The following ANKRD6 variants were observed in gnomAD, a reference collection of about 807,000 sequenced individuals.
ANKRD6 encodes ankyrin repeat domain-containing protein 6.
Under a neutral mutation model 82.3 loss-of-function variants are expected in ANKRD6, and 56 were observed. That is an observed-to-expected ratio of 0.68 (90% confidence interval 0.55 to 0.85). The LOEUF is 0.85. Among genes scored for constraint, ANKRD6 ranks in the 40% least tolerant of loss-of-function variants. ANKRD6 has a pLI of 0.00. For missense variants in ANKRD6, 852 were observed against 907.6 expected (o/e 0.94, Z 0.79); for synonymous variants, 347 against 352.1 (o/e 0.99, Z 0.16).
chr6:89,625,675 G>GA (rs1332524673), intron 13 of ANKRD6, among the ~76,000 whole-genome samples: 2 of 151,124 alleles, frequency 1.3e-5, no homozygotes, highest in African/African-American at 4.9e-5. Flanking sequence ...TCACACCTGA[G>GA]AAAACGTTAT....
At chr6:89,562,338 C>T (rs1011753388) in intron 1 of ANKRD6, 2 of 152,250 alleles carry the variant, frequency 1.3e-5, no homozygotes, top group Non-Finnish European at 2.9e-5. Context: ...AACTCTCTGC[C>T]GAGGAGGGTG....
intron 1 of ANKRD6, among the ~76,000 whole-genome samples, chr6:89,447,401 C>T (rs2127949220): frequency 6.6e-6 from 1 of 152,286 alleles, no homozygotes; most frequent in Middle Eastern, 3.4e-3. Flanking sequence ...AGGCCTAACC[C>T]AGAACAAGGC....
At chr6:89,566,543 C>T (rs973632013) in intron 1 of ANKRD6, among the ~76,000 whole-genome samples, 3 of 152,300 alleles carry the variant, frequency 2.0e-5, no homozygotes, top group East Asian at 1.9e-4. Context: ...ACCAGGCCTC[C>T]GCTCCCTGGG....
At chr6:89,466,768 G>A (rs1224384103) in intron 1 of ANKRD6, among the ~76,000 whole-genome samples, 2 of 152,030 alleles carry the variant, frequency 1.3e-5, no homozygotes, top group Non-Finnish European at 2.9e-5. Flanking sequence ...GTGCTGTCGT[G>A]TGATCATGAC....
intron 4 of ANKRD6, 33 bp from the exon 5 acceptor site, chr6:89,605,974 A>T (rs930155562): frequency 1.3e-5 from 20 of 1,486,040 alleles, no homozygotes; most frequent in Non-Finnish European, 6.4e-6. Flanking sequence ...GGTCTTGGGT[A>T]ATGTGCCTTT....
At chr6:89,629,000 T>C (rs1017849694) in intron 14 of ANKRD6, 112 bp from the exon 15 acceptor site, 1 of 1,239,166 alleles carries the variant, frequency 8.1e-7, no homozygotes, top group African/African-American at 1.5e-5. Flanking sequence ...GATGGTATCC[T>C]CAACTGTTAT....
At chr6:89,581,961 A>G (rs188214089) in intron 2 of ANKRD6, among the ~76,000 whole-genome samples, 1 of 152,188 alleles carries the variant, frequency 6.6e-6, no homozygotes, top group South Asian at 2.1e-4. Context: ...AAGTCAAACA[A>G]AATCTGCTTG....
intron 1 of ANKRD6, among the ~76,000 whole-genome samples, chr6:89,453,697 G>A (rs1049983469): frequency 1.3e-5 from 2 of 151,456 alleles, no homozygotes; most frequent in Non-Finnish European, 2.9e-5. Flanking sequence ...CTCCTGCCTC[G>A]GCCTGCCGAG....
chr6:89,487,611 G>A (rs200590437), intron 1 of ANKRD6, among the ~76,000 whole-genome samples: 9 of 152,046 alleles, frequency 5.9e-5, no homozygotes, highest in Non-Finnish European at 8.8e-5. Context: ...ATTGTTCTGG[G>A]GCAAGCATTA....
intron 1 of ANKRD6, among the ~76,000 whole-genome samples, chr6:89,544,583 A>G (rs540542187): frequency 1.3e-5 from 2 of 151,944 alleles, no homozygotes; most frequent in African/African-American, 2.4e-5. Flanking sequence ...GCGTAGTGGC[A>G]GGCGCCTGTA....
intron 5 of ANKRD6, among the ~76,000 whole-genome samples, chr6:89,610,499 G>A (rs2128212048): frequency 6.6e-6 from 1 of 152,102 alleles, no homozygotes; most frequent in African/African-American, 2.4e-5. Flanking sequence ...CCAAACCTAT[G>A]GTTTTTAATT....
chr6:89,485,286 CTA>C (rs1230500825), intron 1 of ANKRD6, among the ~76,000 whole-genome samples: 20 of 152,200 alleles, frequency 1.3e-4, no homozygotes, highest in Non-Finnish European at 2.5e-4. Context: ...GCATTGAACG[CTA>C]TGTTTTCTGG....
chr6:89,510,318 T>G (rs1418830155), intron 1 of ANKRD6, among the ~76,000 whole-genome samples: 4 of 152,222 alleles, frequency 2.6e-5, no homozygotes, highest in Non-Finnish European at 5.9e-5. Flanking sequence ...TAATCTCTGA[T>G]GTGCCTAACG....
At chr6:89,619,324 G>A (rs559930083) in intron 9 of ANKRD6, among the ~76,000 whole-genome samples, 5 of 152,080 alleles carry the variant, frequency 3.3e-5, no homozygotes, top group African/African-American at 4.8e-5. Context: ...CTGTATAAAC[G>A]TCAGAACCCA....
chr6:89,524,444 C>T (rs1189715362), intron 1 of ANKRD6, among the ~76,000 whole-genome samples: 1 of 152,132 alleles, frequency 6.6e-6, no homozygotes, highest in Non-Finnish European at 1.5e-5. Context: ...TCTCCTACAC[C>T]ATCCAGACTG....
At chr6:89,567,228 G>A in intron 2 of ANKRD6, 132 bp downstream of exon 2, 5 of 1,267,470 alleles carry the variant, frequency 3.9e-6, no homozygotes, top group Non-Finnish European at 5.3e-6. Flanking sequence ...GGAGGTTTGG[G>A]GAGAAGGAGG....
intron 1 of ANKRD6, among the ~76,000 whole-genome samples, chr6:89,503,521 C>T (rs988432547): frequency 4.6e-5 from 7 of 151,942 alleles, no homozygotes; most frequent in East Asian, 1.9e-4. Context: ...TGTGTGTAGA[C>T]GTGGGCAAGT....
rs566736832 is a variant in ANKRD6, at chr6:89,529,317, G to A, written c.-143-37517G>A. Among the ~76,000 whole-genome samples the A allele has an allele frequency of 6.6e-5, 10 of 152,312 alleles. No homozygotes were observed. In the East Asian group the frequency reaches 1.7e-3, roughly 26 times the overall value. On this transcript the variant is annotated intron_variant, in intron 1 of 15. Coordinates refer to ENST00000339746, the MANE Select transcript of ANKRD6 (RefSeq NM_001242809.2). ...TGCTTCACCTCACACTTTTAGTTAT[G>A]AAAGATGATTCCTTTCCTTAAACCT... is the stretch of plus-strand genomic sequence containing the variant.
At chr6:89,452,823 A>G (rs1434024530) in intron 1 of ANKRD6, among the ~76,000 whole-genome samples, 2 of 152,144 alleles carry the variant, frequency 1.3e-5, no homozygotes, top group Non-Finnish European at 2.9e-5. Flanking sequence ...AGGAGTGTAA[A>G]CCTGGCGGCC....
Sources: allele counts gnomAD v4.1 joint callset (sites outside exome capture counted in the v4.1 genomes callset), GRCh38; gene constraint gnomAD v4.1.1; transcripts MANE v1.5; gene names NCBI Gene and HGNC (gene_info 2026-07-23, HGNC 2026-07-21).